The following ARID5B variants were observed in gnomAD, a reference collection of about 807,000 sequenced individuals.
The protein encoded by ARID5B is AT-rich interaction domain 5B.
Under a neutral mutation model 97.2 loss-of-function variants are expected in ARID5B, and 13 were observed. The observed-to-expected ratio is 0.13, with a 90% CI of 0.09 to 0.21. ARID5B has a LOEUF of 0.21. Ranked by LOEUF, ARID5B falls within the 10% of genes least tolerant of loss-of-function variation. The probability of loss-of-function intolerance (pLI) is 1.00; values close to 1 mark genes in which losing one functional copy is unlikely to be tolerated. For synonymous variants in ARID5B, 556 were observed against 570.3 expected, an observed-to-expected ratio of 0.97 and a Z score of 0.36; for missense variants, 1,210 against 1,465.3, an observed-to-expected ratio of 0.83 and a Z score of 2.84.
rs1451589173 is a variant in ARID5B at position 62,049,418 on chromosome 10, C to A, written c.734-1470C>A. The A allele has an allele frequency of 1.9e-6, 3 of 1,550,098 alleles. No individual in the cohort carries two copies. The Admixed American group carries it at 5.9e-5, about 30-fold the overall frequency. ...GACTTCCAGGGATGTGGCCGGGGAGCAGTCACATGCTGTAGCTTTCATGAG... is the reference window on the plus strand; with the variant it reads ...GACTTCCAGGGATGTGGCCGGGGAGAAGTCACATGCTGTAGCTTTCATGAG... On this transcript the variant is annotated intron_variant, in intron 4 of 9. Transcript: ENST00000279873.
chr10:62,019,355 G>C (rs1204147999), intron 4 of ARID5B, among the ~76,000 whole-genome samples: 2 of 152,122 alleles, frequency 1.3e-5, no homozygotes, highest in Non-Finnish European at 2.9e-5. Flanking sequence ...TACGGCACTG[G>C]CAGCCTCGGG....
intron 2 of ARID5B, among the ~76,000 whole-genome samples, chr10:61,919,961 C>T (rs1354570613): frequency 1.1e-4 from 17 of 152,074 alleles, no homozygotes; most frequent in Admixed American, 1.1e-3. Flanking sequence ...CTTTCTCACT[C>T]CACATTTTTG....
intron 8 of ARID5B, among the ~76,000 whole-genome samples, chr10:62,084,431 T>C (rs1047916177): frequency 1.3e-5 from 2 of 152,226 alleles, no homozygotes; most frequent in African/African-American, 4.8e-5. Context: ...TGCCTGGGAA[T>C]CTTAGTTTAA....
chr10:61,930,431 A>G (rs1844184200), intron 2 of ARID5B, among the ~76,000 whole-genome samples: 5 of 152,164 alleles, frequency 3.3e-5, no homozygotes. Flanking sequence ...TTAAAGATAC[A>G]GGTTCTCGGC....
chr10:61,902,143 T>G lies in ARID5B; in HGVS notation c.22-16T>G, dbSNP rs754211044. The G allele has an allele frequency of 2.1e-5, 34 of 1,610,428 alleles. No homozygotes were observed. Among genetic ancestry groups the G allele is most frequent in the Non-Finnish European group, 2.5e-5 (30 of 1,179,120 alleles). ...TGGCTACATTATTTATTTGGTGTTT[T>G]TTTCCCCCCCTGCAGTGGGTCGGCT... On this transcript the variant is annotated splice_polypyrimidine_tract_variant and intron_variant, in intron 1 of 9. Coordinates refer to ENST00000279873, the MANE Select transcript of ARID5B (RefSeq NM_032199.3).
chr10:62,091,071 G>A lies in ARID5B; in HGVS notation c.1608G>A (p.Lys536=). The change falls in exon 10 of 10, where the codon AAG becomes AAA. Residue 536 remains lysine, a synonymous_variant. Transcript: ENST00000279873. ...AGGTGGCAGAGGAGGCGGGAGAGAA[G>A]GGGCCCACACCTCCACTCCCAAGTG... ...SEKVAEEAGE[K]GPTPPLPSAP... is the part of the protein sequence containing the mutation. 1 of 1,613,892 alleles carries A rather than the reference G, an allele frequency of 6.2e-7. No individual in the cohort carries two copies. The highest frequency in any genetic ancestry group is 8.5e-7 in the Non-Finnish European group (1 of 1,179,964).
chr10:62,006,498 C>T (rs901539473), intron 4 of ARID5B, among the ~76,000 whole-genome samples: 2 of 152,146 alleles, frequency 1.3e-5, no homozygotes, highest in African/African-American at 2.4e-5. Context: ...TCACTCTTGG[C>T]ACTTTCTCCT....
chr10:62,025,452 AAG>A (rs1380242111), intron 4 of ARID5B: 1 of 152,164 alleles, frequency 6.6e-6, no homozygotes, highest in African/African-American at 2.4e-5. Context: ...GCTTTCTGGA[AAG>A]GTGATCTGGA....
chr10:61,974,162 G>A (rs750714737), intron 3 of ARID5B, among the ~76,000 whole-genome samples: 12 of 152,146 alleles, frequency 7.9e-5, no homozygotes, highest in Non-Finnish European at 1.3e-4. Context: ...CAACAAGCAG[G>A]ATATGATACA....
chr10:62,083,526 G>A (rs568156967), intron 8 of ARID5B, among the ~76,000 whole-genome samples: 2 of 152,128 alleles, frequency 1.3e-5, no homozygotes, highest in African/African-American at 4.8e-5. Context: ...CACACTCAGA[G>A]GTAATGCTGT....
At chr10:61,969,724 G>T (rs987328648) in intron 3 of ARID5B, among the ~76,000 whole-genome samples, 7 of 152,138 alleles carry the variant, frequency 4.6e-5, no homozygotes, top group Admixed American at 3.9e-4. Flanking sequence ...TTTCACTCAA[G>T]AATCTTCATA....
At chr10:62,072,607 A>G (rs2132958342) in intron 8 of ARID5B, among the ~76,000 whole-genome samples, 1 of 152,316 alleles carries the variant, frequency 6.6e-6, no homozygotes, top group South Asian at 2.1e-4. Flanking sequence ...GTGTTGTTGG[A>G]GCATAGCTGT....
rs78167784 is a variant in ARID5B, at chr10:62,095,558, A to G, written c.*2528A>G. The G allele has an allele frequency of 0.027, 6,307 of 233,484 alleles. 144 individuals are homozygous for G. Among genetic ancestry groups the G allele is most frequent in the South Asian group, 0.051 (283 of 5,526 alleles). 14.5% of individuals were successfully genotyped at this position (233,484 alleles called of 1,614,324 possible). A position where few individuals can be genotyped will look rare whatever the true frequency, so the allele number is the denominator to read the frequency against. ...TCTCATCTCTTCTGAGAGGAGACTC[A>G]CTGTTTCTGTCTGAGGAAGCTCATA... On this transcript the variant is annotated 3_prime_UTR_variant, in exon 10 of 10. Coordinates refer to ENST00000279873, the MANE Select transcript of ARID5B (RefSeq NM_032199.3).
intron 2 of ARID5B, among the ~76,000 whole-genome samples, chr10:61,908,621 A>T (rs1316140992): frequency 2.0e-5 from 3 of 151,988 alleles, no homozygotes; most frequent in Non-Finnish European, 2.9e-5. Context: ...AACATGGTGA[A>T]ACCCCGTCTC....
chr10:62,013,708 C>T (rs1485387624), intron 4 of ARID5B, among the ~76,000 whole-genome samples: 1 of 151,652 alleles, frequency 6.6e-6, no homozygotes, highest in African/African-American at 2.4e-5. Context: ...TACTTCACTC[C>T]ACACAATGCC....
At chr10:61,929,699 C>A (rs1003744641) in intron 2 of ARID5B, among the ~76,000 whole-genome samples, 3 of 152,218 alleles carry the variant, frequency 2.0e-5, no homozygotes, top group Non-Finnish European at 4.4e-5. Context: ...TCCAAAGCTA[C>A]ACTTATTCCC....
intron 3 of ARID5B, among the ~76,000 whole-genome samples, chr10:61,950,754 G>A (rs1349245355): frequency 6.6e-6 from 1 of 152,178 alleles, no homozygotes; most frequent in African/African-American, 2.4e-5. Flanking sequence ...CTTTCAGTTG[G>A]AGGTGCATGA....
Position 62,065,825 on chromosome 10 carries a change from G to A in ARID5B, c.1102-3875G>A, listed in dbSNP as rs554287172. On this transcript the variant is annotated intron_variant, in intron 7 of 9. Transcript: ENST00000279873. ...CGCGCCACTGCACTCCAGCCTGGGC[G>A]ACAGAGTGAGACTCTGTCTCAAAAA... Among the ~76,000 whole-genome samples the A allele has an allele frequency of 6.3e-5, 8 of 127,428 alleles. No homozygotes were observed. The South Asian group carries it at 8.2e-4, about 13-fold the overall frequency. The allele number at this position is 127,428 out of a possible 152,430, so 83.6% of individuals were successfully genotyped here.
chr10:62,089,228 G>A (rs1317663142), intron 9 of ARID5B, among the ~76,000 whole-genome samples: 3 of 151,990 alleles, frequency 2.0e-5, no homozygotes, highest in Non-Finnish European at 4.4e-5. Flanking sequence ...AATGATATTT[G>A]TACTGGAAAA....
Sources: gnomAD v4.1 joint callset for allele counts (sites outside exome capture counted in the v4.1 genomes callset) on GRCh38, gnomAD v4.1.1 for gene constraint, MANE v1.5 for transcripts, NCBI Gene and HGNC (gene_info 2026-07-23, HGNC 2026-07-21) for gene names.